Variants in COX7B2 observed in about 807,000 individuals in gnomAD.
The protein encoded by COX7B2 is cytochrome c oxidase subunit 7B2, mitochondrial.
For synonymous variants in COX7B2, 37 were observed against 32.1 expected (o/e 1.15, Z -0.51); for missense variants, 109 against 95.9 (o/e 1.14, Z -0.57).
intron 2 of COX7B2, among the ~76,000 whole-genome samples, chr4:46,839,670 C>T (rs1301051937): frequency 6.6e-6 from 1 of 152,026 alleles, no homozygotes; most frequent in Non-Finnish European, 1.5e-5. Flanking sequence ...TCTGTCAATT[C>T]TCAGGCTTTT....
chr4:46,804,483 G>A (rs926903984), intron 2 of COX7B2, among the ~76,000 whole-genome samples: 4 of 152,046 alleles, frequency 2.6e-5, no homozygotes, highest in Non-Finnish European at 4.4e-5. Context: ...CAATCCCTAA[G>A]CTAGACAAAA....
chr4:46,782,123 G>A (rs781035680), intron 2 of COX7B2, among the ~76,000 whole-genome samples: 6 of 152,218 alleles, frequency 3.9e-5, no homozygotes, highest in Non-Finnish European at 8.8e-5. Flanking sequence ...CTGGGCTCCT[G>A]AATTGAGTGG....
At chr4:46,902,526 T>G (rs571697090) in intron 1 of COX7B2, among the ~76,000 whole-genome samples, 1 of 152,336 alleles carries the variant, frequency 6.6e-6, no homozygotes, top group East Asian at 1.9e-4. Flanking sequence ...ATTGCTTCTT[T>G]GCTTCTTCCA....
intron 2 of COX7B2, among the ~76,000 whole-genome samples, chr4:46,844,346 G>A (rs1412998099): frequency 2.0e-5 from 3 of 151,844 alleles, no homozygotes; most frequent in African/African-American, 4.8e-5. Flanking sequence ...CTCCAGACAC[G>A]GTCATGGATA....
At chr4:46,766,230 G>C (rs1716526208) in intron 2 of COX7B2, among the ~76,000 whole-genome samples, 1 of 152,158 alleles carries the variant, frequency 6.6e-6, no homozygotes, top group Non-Finnish European at 1.5e-5. Context: ...TAGGAATATA[G>C]TAAAATTCAG....
intron 1 of COX7B2, among the ~76,000 whole-genome samples, chr4:46,867,384 A>C (rs553639868): frequency 6.6e-6 from 1 of 152,302 alleles, no homozygotes; most frequent in East Asian, 1.9e-4. Context: ...GAAATCAAGA[A>C]ACTGGCTGGA....
chr4:46,744,417 C>G (rs748771094), intron 2 of COX7B2, among the ~76,000 whole-genome samples: 2 of 152,082 alleles, frequency 1.3e-5, no homozygotes, highest in Non-Finnish European at 2.9e-5. Context: ...TTGGCTATAG[C>G]AGCCAACCTC....
chr4:46,739,012 T>C (rs1173387423), intron 2 of COX7B2, among the ~76,000 whole-genome samples: 1 of 152,092 alleles, frequency 6.6e-6, no homozygotes, highest in African/African-American at 2.4e-5. Context: ...AATAAGGAAG[T>C]ATATAAATCT....
intron 1 of COX7B2, among the ~76,000 whole-genome samples, chr4:46,880,590 T>C (rs1400672771): frequency 1.3e-5 from 2 of 151,872 alleles, no homozygotes; most frequent in Non-Finnish European, 2.9e-5. Context: ...AAGGTGTTCG[T>C]AGTAGTTTCT....
intron 2 of COX7B2, among the ~76,000 whole-genome samples, chr4:46,756,542 C>T (rs892102956): frequency 1.3e-5 from 2 of 151,964 alleles, no homozygotes; most frequent in African/African-American, 4.8e-5. Flanking sequence ...TATTTGCAAA[C>T]TATGCACCTG....
chr4:46,847,054 T>C (rs1005953525), intron 1 of COX7B2, among the ~76,000 whole-genome samples: 1 of 152,016 alleles, frequency 6.6e-6, no homozygotes, highest in Non-Finnish European at 1.5e-5. Context: ...GACGATCAAA[T>C]TTAACACCAT....
rs1714257672 is a variant in COX7B2, at chr4:46,734,866, G to T, written c.*81C>A. ...AAACACATTTTATTTTTTCAATTGT[G>T]CTATATTTTAATAAGCAGTAGAGTG... On this transcript the variant is annotated 3_prime_UTR_variant, in exon 3 of 3. Coordinates refer to ENST00000355591, the MANE Select transcript of COX7B2 (RefSeq NM_130902.3). 5.5e-6 allele frequency: 8 copies of T among 1,461,328 alleles called. No individual in the cohort carries two copies. Among genetic ancestry groups the T allele is most frequent in the South Asian group, 3.6e-5 (3 of 83,218 alleles). 90.5% of individuals were successfully genotyped at this position (1,461,328 alleles called of 1,614,324 possible).
intron 1 of COX7B2, among the ~76,000 whole-genome samples, chr4:46,895,649 T>G (rs571312260): frequency 6.6e-6 from 1 of 152,130 alleles, no homozygotes; most frequent in Non-Finnish European, 1.5e-5. Flanking sequence ...AAAATAAAAG[T>G]TTTTTTAAGT....
intron 1 of COX7B2, among the ~76,000 whole-genome samples, chr4:46,893,685 A>G (rs1324934816): frequency 6.6e-6 from 1 of 152,192 alleles, no homozygotes; most frequent in Non-Finnish European, 1.5e-5. Flanking sequence ...ATTTCCAAAA[A>G]CATGCAGCAA....
At chr4:46,890,730 T>C (rs1719380891) in intron 1 of COX7B2, among the ~76,000 whole-genome samples, 1 of 152,130 alleles carries the variant, frequency 6.6e-6, no homozygotes, top group Non-Finnish European at 1.5e-5. Context: ...TGAAGGAGTG[T>C]TCTTAAAGTA....
chr4:46,905,406 G>T (rs910230426), intron 1 of COX7B2, among the ~76,000 whole-genome samples: 3 of 152,138 alleles, frequency 2.0e-5, no homozygotes, highest in Non-Finnish European at 4.4e-5. Flanking sequence ...TTAGAAACCG[G>T]AACTGAATGT....
rs189089626 is a variant in COX7B2 at position 46,819,265 on chromosome 4, C to G, written c.-50+25695G>C. Among the ~76,000 whole-genome samples, 1,034 of 152,206 alleles carry G rather than the reference C, an allele frequency of 6.8e-3. 9 individuals are homozygous for G. The highest frequency in any genetic ancestry group is 0.017 in the Middle Eastern group (5 of 294). On this transcript the variant is annotated intron_variant, in intron 2 of 2. Coordinates refer to ENST00000355591, the MANE Select transcript of COX7B2 (RefSeq NM_130902.3). ...TTTATCAAAAACCCTTTAGCGGAAC[C>G]ACCTCAAGGTCACACCTCATTCATT...
At chr4:46,747,273 T>G (rs1258966558) in intron 2 of COX7B2, among the ~76,000 whole-genome samples, 1 of 150,960 alleles carries the variant, frequency 6.6e-6, no homozygotes, top group East Asian at 1.9e-4. Flanking sequence ...TTCTCATCAT[T>G]AAGCTCCTAT....
chr4:46,897,368 C>T (rs1305588475), intron 1 of COX7B2, among the ~76,000 whole-genome samples: 2 of 148,842 alleles, frequency 1.3e-5, no homozygotes, highest in Non-Finnish European at 1.5e-5. Flanking sequence ...CAATCCAACA[C>T]CAGCTCAGCT....
Sources: gnomAD v4.1 joint callset for allele counts (sites outside exome capture counted in the v4.1 genomes callset) on GRCh38, gnomAD v4.1.1 for gene constraint, MANE v1.5 for transcripts, NCBI Gene and HGNC (gene_info 2026-07-23, HGNC 2026-07-21) for gene names.